Variants in C1QTNF7 observed in about 807,000 individuals in gnomAD.
The protein encoded by C1QTNF7 is C1q and TNF related 7.
A neutral mutation model predicts 19.6 loss-of-function variants in C1QTNF7; 15 were observed. The observed-to-expected ratio is 0.76, with a 90% CI of 0.51 to 1.18. The LOEUF is 1.18. Among genes scored for constraint, C1QTNF7 ranks in the 50% most tolerant of loss-of-function variants. C1QTNF7 has a pLI of 0.00. For synonymous variants in C1QTNF7, 142 were observed against 137.5 expected (o/e 1.03, Z -0.23); for missense variants, 324 against 359.7 (o/e 0.90, Z 0.80).
intron 1 of C1QTNF7, among the ~76,000 whole-genome samples, chr4:15,368,730 G>A (rs951474613): frequency 2.0e-5 from 3 of 152,198 alleles, no homozygotes; most frequent in Non-Finnish European, 4.4e-5. Context: ...TTGCTATTGT[G>A]AATAGTGCCG....
At chr4:15,435,625 G>A (rs753448290) in intron 1 of C1QTNF7, 111 bp from the exon 2 acceptor site, 32 of 1,450,354 alleles carry the variant, frequency 2.2e-5, no homozygotes, top group Non-Finnish European at 3.0e-5. Flanking sequence ...GACGAACACT[G>A]GAGTGATTTG....
chr4:15,389,343 T>TG (rs1354827699), intron 1 of C1QTNF7, among the ~76,000 whole-genome samples: 1 of 152,002 alleles, frequency 6.6e-6, no homozygotes, highest in Admixed American at 6.5e-5. Flanking sequence ...AGGAGTGAGT[T>TG]GGGGTCTACA....
At chr4:15,438,832 G>A (rs111636774) in intron 2 of C1QTNF7, among the ~76,000 whole-genome samples, 1 of 152,194 alleles carries the variant, frequency 6.6e-6, no homozygotes, top group Non-Finnish European at 1.5e-5. Context: ...GTAATGCCCA[G>A]GTTTCACTTA....
chr4:15,358,928 C>T (rs1163468227), intron 1 of C1QTNF7, among the ~76,000 whole-genome samples: 1 of 152,112 alleles, frequency 6.6e-6, no homozygotes, highest in Non-Finnish European at 1.5e-5. Context: ...CAAGAAGTCC[C>T]AGGCATGGCA....
chr4:15,365,706 C>G (rs1390434332), intron 1 of C1QTNF7, among the ~76,000 whole-genome samples: 2 of 152,154 alleles, frequency 1.3e-5, no homozygotes, highest in Non-Finnish European at 2.9e-5. Flanking sequence ...CTCTCTCTTT[C>G]TCCCTCTGAC....
At position 15,442,774 on chromosome 4, in the gene C1QTNF7, C is replaced by T. The variant is rs763098941; in HGVS notation, c.845C>T (p.Ser282Phe). 2 of 1,610,276 alleles carry T rather than the reference C, an allele frequency of 1.2e-6. No individual in the cohort carries two copies. Among genetic ancestry groups the T allele is most frequent in the Non-Finnish European group, 1.7e-6 (2 of 1,178,310 alleles). Residue 282 changes from serine to phenylalanine, a missense_variant, in exon 3 of 3, where the codon TCC (serine) becomes TTC (phenylalanine). By Grantham distance (155) the Ser-to-Phe change is radical (BLOSUM62 -2). Coordinates refer to ENST00000444304, the MANE Select transcript of C1QTNF7 (RefSeq NM_031911.5). ...TACGTTGACACAGATTACCTAGATT[C>T]CATATCAGAAGATGATGAATTGTGA... ...LLYVDTDYLD[S>F]ISEDDEL
chr4:15,414,913 A>G (rs1719538429), intron 1 of C1QTNF7, among the ~76,000 whole-genome samples: 1 of 152,174 alleles, frequency 6.6e-6, no homozygotes, highest in Non-Finnish European at 1.5e-5. Context: ...TGCCTTCCTT[A>G]CTCCAAATTT....
At chr4:15,394,599 G>T (rs1313658357) in intron 1 of C1QTNF7, among the ~76,000 whole-genome samples, 1 of 152,206 alleles carries the variant, frequency 6.6e-6, no homozygotes, top group African/African-American at 2.4e-5. Context: ...TCAAAGGAAG[G>T]GATCTGTGTG....
At chr4:15,403,182 G>A (rs1347474858) in intron 1 of C1QTNF7, among the ~76,000 whole-genome samples, 1 of 152,158 alleles carries the variant, frequency 6.6e-6, no homozygotes, top group Non-Finnish European at 1.5e-5. Context: ...CTGCTCAGAA[G>A]AATGTGCCCA....
chr4:15,401,892 T>C (rs1292836656), intron 1 of C1QTNF7, among the ~76,000 whole-genome samples: 2 of 152,042 alleles, frequency 1.3e-5, no homozygotes, highest in Non-Finnish European at 2.9e-5. Context: ...GTGATAAAAA[T>C]GATTACAGAC....
chr4:15,365,537 G>C (rs1340475218), intron 1 of C1QTNF7, among the ~76,000 whole-genome samples: 3 of 152,172 alleles, frequency 2.0e-5, no homozygotes, highest in Non-Finnish European at 4.4e-5. Flanking sequence ...ATGTCTGTTA[G>C]TCACAACTCT....
At chr4:15,341,281 G>A (rs1035804433) in intron 1 of C1QTNF7, among the ~76,000 whole-genome samples, 8 of 152,212 alleles carry the variant, frequency 5.3e-5, no homozygotes, top group Non-Finnish European at 1.2e-4. Flanking sequence ...GAATTTCTCA[G>A]CCATTAGGCC....
At chr4:15,427,828 C>G (rs1490770620), upstream of C1QTNF7, 1 of 154,514 alleles carries the variant, frequency 6.5e-6, no homozygotes, top group African/African-American at 2.4e-5. Context: ...TCTAAACTTA[C>G]CACTGAAGGA....
intron 1 of C1QTNF7, among the ~76,000 whole-genome samples, chr4:15,360,105 A>G (rs1717283041): frequency 6.6e-6 from 1 of 152,136 alleles, no homozygotes; most frequent in Admixed American, 6.6e-5. Context: ...GCACTGTTCT[A>G]TCCACAGAAA....
intron 1 of C1QTNF7, among the ~76,000 whole-genome samples, chr4:15,371,080 C>T (rs1717703170): frequency 6.6e-6 from 1 of 152,224 alleles, no homozygotes; most frequent in East Asian, 1.9e-4. Flanking sequence ...TCAGCTCTTT[C>T]TAGGAAGAGA....
chr4:15,407,525 A>C (rs991093009), intron 1 of C1QTNF7, among the ~76,000 whole-genome samples: 2 of 152,190 alleles, frequency 1.3e-5, no homozygotes, highest in African/African-American at 2.4e-5. Context: ...CATCCAGTGG[A>C]TATCACACAT....
intron 1 of C1QTNF7, among the ~76,000 whole-genome samples, chr4:15,341,737 G>A (rs1057162012): frequency 2.0e-5 from 3 of 152,194 alleles, no homozygotes; most frequent in Non-Finnish European, 4.4e-5. Flanking sequence ...AGGCTGGTCG[G>A]GGAAGCCCCC....
intron 1 of C1QTNF7, among the ~76,000 whole-genome samples, chr4:15,381,153 C>A (rs1483190882): frequency 6.6e-6 from 1 of 152,058 alleles, no homozygotes; most frequent in Non-Finnish European, 1.5e-5. Context: ...CACGGTGGCT[C>A]ACACCTGTAA....
At chr4:15,397,182 T>C (rs986847089) in intron 1 of C1QTNF7, among the ~76,000 whole-genome samples, 2 of 151,958 alleles carry the variant, frequency 1.3e-5, no homozygotes, top group South Asian at 4.2e-4. Context: ...CCACAACACA[T>C]GGGAATTATG....
Sources: allele counts gnomAD v4.1 joint callset (sites outside exome capture counted in the v4.1 genomes callset), GRCh38; gene constraint gnomAD v4.1.1; transcripts MANE v1.5; gene names NCBI Gene and HGNC (gene_info 2026-07-23, HGNC 2026-07-21).